L2HGDH: variants seen among roughly 807,000 people sequenced by gnomAD.
L2HGDH encodes the protein L-2-hydroxyglutarate dehydrogenase, mitochondrial.
In L2HGDH, 34 loss-of-function variants were observed where a neutral mutation model predicts 51.5. That is an observed-to-expected ratio of 0.66 (90% CI 0.50 to 0.88). The LOEUF is 0.88. Ranked by LOEUF, L2HGDH falls within the 40% of genes least tolerant of loss-of-function variation. The probability of loss-of-function intolerance (pLI) is 0.00; values close to 1 mark genes in which losing one functional copy is unlikely to be tolerated. For synonymous variants in L2HGDH, 198 were observed against 197.9 expected, an observed-to-expected ratio of 1.00 and a Z score of -0.01; for missense variants, 558 against 571.9, an observed-to-expected ratio of 0.98 and a Z score of 0.25.
At chr14:50,307,237 T>G (rs1375560597) in intron 1 of L2HGDH, among the ~76,000 whole-genome samples, 1 of 152,218 alleles carries the variant, frequency 6.6e-6, no homozygotes, top group African/African-American at 2.4e-5. Flanking sequence ...ATACTACAAC[T>G]ATCAATAAAC....
chr14:50,290,920 C>A (rs921869897), intron 4 of L2HGDH, among the ~76,000 whole-genome samples: 31 of 152,022 alleles, frequency 2.0e-4, no homozygotes, highest in African/African-American at 6.5e-4. Flanking sequence ...TTTAGCATGG[C>A]CGGGCACGGT....
chr14:50,265,080 G>A (rs1198736153), intron 9 of L2HGDH, among the ~76,000 whole-genome samples: 2 of 152,140 alleles, frequency 1.3e-5, no homozygotes, highest in Non-Finnish European at 2.9e-5. Flanking sequence ...AAAGGCTAAG[G>A]TAGCATCACA....
chr14:50,264,678 G>A (rs999147460), intron 9 of L2HGDH, among the ~76,000 whole-genome samples: 6 of 152,176 alleles, frequency 3.9e-5, no homozygotes, highest in Admixed American at 1.3e-4. Context: ...GCTAAATGAT[G>A]AGAACACATG....
Position 50,307,068 on chromosome 14 carries a change from G to A in L2HGDH, c.141-4051C>T, listed in dbSNP as rs371710955. Among the ~76,000 whole-genome samples the A allele has an allele frequency of 5.3e-5, 8 of 151,852 alleles. No individual in the cohort carries two copies. The East Asian group carries it at 7.8e-4, about 15-fold the overall frequency. On this transcript the variant is annotated intron_variant, in intron 1 of 9. Transcript: ENST00000267436. ...TGACCTCAGGTGATCCACCCGCCTC[G>A]GCCTCCCAAAATGCTGGGAATACAG...
intron 1 of L2HGDH, among the ~76,000 whole-genome samples, chr14:50,304,879 C>A (rs1415065830): frequency 6.6e-6 from 1 of 152,110 alleles, no homozygotes; most frequent in Non-Finnish European, 1.5e-5. Context: ...TATAAATCTG[C>A]AATTCGAAGC....
At chr14:50,307,509 C>G (rs2030804612) in intron 1 of L2HGDH, among the ~76,000 whole-genome samples, 1 of 152,214 alleles carries the variant, frequency 6.6e-6, no homozygotes, top group South Asian at 2.1e-4. Flanking sequence ...AGACATCTTT[C>G]TCTACAACTC....
At position 50,291,693 on chromosome 14, in the gene L2HGDH, A is replaced by AT. The variant is rs796463935; in HGVS notation, c.540+2421dup. The stretch of plus-strand genomic sequence containing the variant: ...AACTAGAGATAAAGGGAAAAAATAC[A>AT]TTTTTTTTCCTTCAAGCTTTTATTT... On this transcript the variant is annotated intron_variant, in intron 4 of 9. Coordinates refer to ENST00000267436, the MANE Select transcript of L2HGDH (RefSeq NM_024884.3). 2.4e-4 allele frequency among the ~76,000 whole-genome samples: 36 copies of AT among 152,086 alleles called. No individual in the cohort carries two copies. In the East Asian group the frequency reaches 2.9e-3, roughly 12 times the overall value.
At chr14:50,304,930 T>C (rs1386758187) in intron 1 of L2HGDH, among the ~76,000 whole-genome samples, 1 of 152,148 alleles carries the variant, frequency 6.6e-6, no homozygotes, top group Non-Finnish European at 1.5e-5. Context: ...AGCCAACAAA[T>C]ATGGATCTTA....
intron 9 of L2HGDH, among the ~76,000 whole-genome samples, chr14:50,262,139 G>C (rs1019316729): frequency 2.0e-5 from 3 of 152,126 alleles, no homozygotes; most frequent in Non-Finnish European, 4.4e-5. Context: ...CTGTGGAAAA[G>C]TCTATTGATC....
chr14:50,272,859 CT>C (rs1392265972), intron 6 of L2HGDH, among the ~76,000 whole-genome samples: 1 of 152,152 alleles, frequency 6.6e-6, no homozygotes, highest in East Asian at 1.9e-4. Context: ...GGGGAGTTCT[CT>C]ATGACCAGTT....
At position 50,258,649 on chromosome 14, in the gene L2HGDH, G is replaced by A. The variant is rs147532768; in HGVS notation, c.1196+6709C>T. Among the ~76,000 whole-genome samples, 625 of 152,014 alleles carry A rather than the reference G, an allele frequency of 4.1e-3. 7 individuals carry two copies. The highest frequency in any genetic ancestry group is 0.013 in the African/African-American group (555 of 41,460). On this transcript the variant is annotated intron_variant, in intron 9 of 9. Coordinates refer to ENST00000267436, the MANE Select transcript of L2HGDH (RefSeq NM_024884.3). ...CTGCCTCAGCTTCCAGAGTAGGTGG[G>A]ACTACAGGAACATGCCACCACACCC...
intron 4 of L2HGDH, among the ~76,000 whole-genome samples, chr14:50,292,385 G>T (rs923535283): frequency 6.6e-6 from 1 of 152,174 alleles, no homozygotes; most frequent in African/African-American, 2.4e-5. Flanking sequence ...AAAAACGGAA[G>T]GCCTTACTCT....
Position 50,242,512 on chromosome 14 carries a change from C to G in L2HGDH, c.*4546G>C, listed in dbSNP as rs1887847421. 1.0e-6 allele frequency: 1 copy of G among 982,740 alleles called. No individual in the cohort carries two copies. The highest frequency in any genetic ancestry group is 1.2e-6 in the Non-Finnish European group (1 of 827,512). 60.9% of individuals were successfully genotyped at this position (982,740 alleles called of 1,614,324 possible). On this transcript the variant is annotated 3_prime_UTR_variant, in exon 10 of 10. Transcript: ENST00000267436. The stretch of plus-strand genomic sequence containing the variant: ...CAATTAACAACATCAACAACAACAA[C>G]AAACCCACAATACTTTCTAGGATTT...
intron 5 of L2HGDH, among the ~76,000 whole-genome samples, chr14:50,279,272 A>C (rs1890130954): frequency 2.0e-5 from 3 of 152,194 alleles, no homozygotes; most frequent in Admixed American, 2.0e-4. Context: ...TTTCTCCTTC[A>C]AATTTCTCAA....
intron 1 of L2HGDH, chr14:50,311,580 G>A: frequency 4.7e-6 from 2 of 427,342 alleles, no homozygotes; most frequent in Non-Finnish European, 9.4e-6. Context: ...ACTGATTTAA[G>A]ACTGTATTCA....
At chr14:50,294,801 A>C (rs1324580651) in intron 3 of L2HGDH, among the ~76,000 whole-genome samples, 2 of 152,158 alleles carry the variant, frequency 1.3e-5, no homozygotes, top group African/African-American at 2.4e-5. Context: ...CAACTTATTT[A>C]TTTCTTTTCT....
chr14:50,305,886 T>C (rs567732482), intron 1 of L2HGDH, among the ~76,000 whole-genome samples: 1 of 152,244 alleles, frequency 6.6e-6, no homozygotes, highest in Non-Finnish European at 1.5e-5. Flanking sequence ...CATCTCTGGA[T>C]CACTTATACT....
chr14:50,303,873 C>T (rs1416584708), intron 1 of L2HGDH, among the ~76,000 whole-genome samples: 2 of 143,452 alleles, frequency 1.4e-5, no homozygotes, highest in East Asian at 2.2e-4. Flanking sequence ...TAATCAACTA[C>T]AGCTTACTGG....
intron 9 of L2HGDH, among the ~76,000 whole-genome samples, chr14:50,256,046 T>C (rs188860484): frequency 6.6e-6 from 1 of 152,090 alleles, no homozygotes; most frequent in African/African-American, 2.4e-5. Flanking sequence ...AACAGCTGAA[T>C]GTGTAACTAA....
Sources: allele counts gnomAD v4.1 joint callset (sites outside exome capture counted in the v4.1 genomes callset), GRCh38; gene constraint gnomAD v4.1.1; transcripts MANE v1.5; gene names NCBI Gene and HGNC (gene_info 2026-07-23, HGNC 2026-07-21).